ZNF610: variants seen among roughly 807,000 people sequenced by gnomAD.
ZNF610 encodes the protein zink finger protein.
ZNF610 carries 14 observed loss-of-function variants against 14.1 expected under a neutral mutation model. That is an observed-to-expected ratio of 0.99 (90% CI 0.65 to 1.55). The LOEUF (loss-of-function observed/expected upper bound fraction) is 1.55. Ranked by LOEUF, ZNF610 falls within the 40% of genes most tolerant of loss-of-function variation. The pLI is 0.00. For synonymous variants in ZNF610, 185 were observed against 187.6 expected, an observed-to-expected ratio of 0.99 and a Z score of 0.11; for missense variants, 530 against 558.0, an observed-to-expected ratio of 0.95 and a Z score of 0.51.
chr19:52,338,220 G>A (rs1984474770), intron 1 of ZNF610, among the ~76,000 whole-genome samples: 1 of 152,218 alleles, frequency 6.6e-6, no homozygotes, highest in Non-Finnish European at 1.5e-5. Flanking sequence ...AACCAACTAT[G>A]AACCGGGGGT....
At chr19:52,331,429 A>C (rs962869764), upstream of ZNF610, among the ~76,000 whole-genome samples, 2 of 152,214 alleles carry the variant, frequency 1.3e-5, no homozygotes, top group Non-Finnish European at 2.9e-5. Context: ...GGGGAGCCTA[A>C]AGACACATAA....
At chr19:52,355,298 T>C (rs961932815) in intron 5 of ZNF610, among the ~76,000 whole-genome samples, 5 of 152,282 alleles carry the variant, frequency 3.3e-5, no homozygotes, top group Middle Eastern at 3.4e-3. Context: ...TTTCCTGTAA[T>C]GGGAAGATGT....
Position 52,366,476 on chromosome 19 carries a change from T to C in ZNF610, c.1098T>C (p.His366=), listed in dbSNP as rs748282602. 28 of 1,614,156 alleles carry C rather than the reference T, an allele frequency of 1.7e-5. No homozygotes were observed. The highest frequency in any genetic ancestry group is 1.6e-4 in the Middle Eastern group (1 of 6,062). ...LSYLARHQII[H]STEKPYKCNE... is the part of the protein sequence containing the mutation. ...ACCTTGCACGGCATCAAATAATTCA[T>C]AGTACAGAGAAGCCCTACAAATGTA... Residue 366 remains histidine, a synonymous_variant, in exon 6 of 6, where the codon CAT becomes CAC. Transcript: ENST00000403906.
At chr19:52,346,471 T>C (rs934354519) in intron 1 of ZNF610, among the ~76,000 whole-genome samples, 11 of 152,104 alleles carry the variant, frequency 7.2e-5, no homozygotes, top group African/African-American at 2.7e-4. Flanking sequence ...CTAACGTTTG[T>C]ATTTTTACTA....
intron 1 of ZNF610, among the ~76,000 whole-genome samples, chr19:52,337,258 G>C (rs920758308): frequency 1.4e-5 from 2 of 147,196 alleles, no homozygotes; most frequent in African/African-American, 5.4e-5. Context: ...GGGGGCAGCT[G>C]ATGACAAGGA....
chr19:52,336,474 G>T lies in ZNF610; in HGVS notation c.-290G>T, dbSNP rs1444376014. ...TGTGTGTTAAAATCGCTCGGCGACG[G>T]GTCCTGTCCCCGCTCGTTCTGCCTT... On this transcript the variant is annotated 5_prime_UTR_variant, in exon 1 of 6. Coordinates refer to ENST00000403906, the MANE Select transcript of ZNF610 (RefSeq NM_001161425.2). 4 of 165,930 alleles carry T rather than the reference G, an allele frequency of 2.4e-5. No individual in the cohort carries two copies. In the East Asian group the frequency reaches 5.7e-4, roughly 24 times the overall value. The allele number at this position is 165,930 out of a possible 1,614,324, so 10.3% of individuals were successfully genotyped here. A position where few individuals can be genotyped will look rare whatever the true frequency, so the allele number is the denominator to read the frequency against.
chr19:52,343,526 T>A (rs1252747926), intron 1 of ZNF610, among the ~76,000 whole-genome samples: 1 of 151,696 alleles, frequency 6.6e-6, no homozygotes. Context: ...GATATCATGC[T>A]ATTGCACTTC....
chr19:52,336,117 G>A (rs1984358601), upstream of ZNF610: 4 of 159,040 alleles, frequency 2.5e-5, no homozygotes, highest in South Asian at 6.4e-4. Flanking sequence ...GTTTGCAGAG[G>A]GCTGAGCTGC....
upstream of ZNF610, among the ~76,000 whole-genome samples, chr19:52,331,767 C>T (rs925050989): frequency 2.0e-5 from 3 of 152,178 alleles, no homozygotes; most frequent in African/African-American, 7.2e-5. Context: ...CTGCCTTTCT[C>T]GCTCTCTCTT....
At chr19:52,345,225 A>G (rs1984880817) in intron 1 of ZNF610, 1 of 152,144 alleles carries the variant, frequency 6.6e-6, no homozygotes, top group South Asian at 2.1e-4. Context: ...CCCTTATGTA[A>G]AGTTGCATAG....
Position 52,366,563 on chromosome 19 carries a change from T to G in ZNF610, c.1185T>G (p.Thr395=). 6.2e-7 allele frequency: 1 copy of G among 1,614,084 alleles called. No individual in the cohort carries two copies. The highest frequency in any genetic ancestry group is 2.2e-5 in the East Asian group (1 of 44,896). ...PGLMAHLLIH[T]GEKPYKCNEC... Reference sequence around the variant, plus strand: ...TTATGGCCCATCTTCTAATCCATACTGGAGAGAAACCTTACAAATGTAATG... The same window carrying G: ...TTATGGCCCATCTTCTAATCCATACGGGAGAGAAACCTTACAAATGTAATG... The change falls in exon 6 of 6, where the codon ACT becomes ACG. Residue 395 remains threonine (T), a synonymous_variant. Coordinates refer to ENST00000403906, the MANE Select transcript of ZNF610 (RefSeq NM_001161425.2).
chr19:52,335,536 T>C (rs1352702006), upstream of ZNF610, among the ~76,000 whole-genome samples: 2 of 152,124 alleles, frequency 1.3e-5, no homozygotes, highest in African/African-American at 4.8e-5. Context: ...GATGACTCAG[T>C]GGACTGGGAA....
chr19:52,333,321 T>C (rs16983718), upstream of ZNF610, among the ~76,000 whole-genome samples: 21,019 of 152,180 alleles, frequency 0.14, 2,123 homozygotes, highest in African/African-American at 0.29. Context: ...AAGCTCCCGG[T>C]AACCAAGCCG....
chr19:52,340,311 A>G (rs923080255), intron 1 of ZNF610, among the ~76,000 whole-genome samples: 4 of 152,110 alleles, frequency 2.6e-5, no homozygotes, highest in African/African-American at 9.7e-5. Flanking sequence ...TGAACCCTGG[A>G]GGCAGAGGTT....
intron 1 of ZNF610, among the ~76,000 whole-genome samples, chr19:52,337,399 A>T (rs1465756148): frequency 6.6e-6 from 1 of 152,134 alleles, no homozygotes; most frequent in Non-Finnish European, 1.5e-5. Flanking sequence ...AGGGAGGGCA[A>T]GAAACAGGCA....
intron 1 of ZNF610, among the ~76,000 whole-genome samples, chr19:52,341,025 A>G (rs992870420): frequency 6.6e-6 from 1 of 152,172 alleles, no homozygotes; most frequent in East Asian, 1.9e-4. Flanking sequence ...GGTGTTGTCC[A>G]CTGAAACACA....
At chr19:52,359,721 T>TC (rs2122269721) in intron 5 of ZNF610, among the ~76,000 whole-genome samples, 1 of 152,306 alleles carries the variant, frequency 6.6e-6, no homozygotes, top group East Asian at 1.9e-4. Flanking sequence ...GAGCTGGGTT[T>TC]CCTACAGTTC....
Position 52,354,381 on chromosome 19 carries a change from T to C in ZNF610, c.319+2T>C. The C allele has an allele frequency of 6.2e-7, 1 of 1,613,894 alleles. No individual in the cohort carries two copies. The highest frequency in any genetic ancestry group is 2.2e-5 in the East Asian group (1 of 44,868). On this transcript the variant is annotated splice_donor_variant, in intron 5 of 5. Coordinates refer to ENST00000403906, the MANE Select transcript of ZNF610 (RefSeq NM_001161425.2). LOFTEE classifies it high-confidence loss of function. ...AATGTGTCAGAAGCGTGAACACAGG[T>C]AAGAGCTCTGATGGGCAGTGTGGAG...
Position 52,366,130 on chromosome 19 carries a change from G to A in ZNF610, c.752G>A (p.Trp251Ter). Residue 251 changes from tryptophan to a stop codon, truncating the protein, a stop_gained, in exon 6 of 6, where the codon TGG (tryptophan) becomes TAG (stop). Coordinates refer to ENST00000403906, the MANE Select transcript of ZNF610 (RefSeq NM_001161425.2). LOFTEE classifies it low-confidence loss of function (END_TRUNC). Reference protein sequence around the residue: ...FSRNSHLVEHWRIHTGQKPYK... With the variant: ...FSRNSHLVEH Reference sequence around the variant, plus strand: ...CGCAATTCACACCTTGTAGAACATTGGAGAATTCATACTGGACAGAAGCCT... The same window carrying A: ...CGCAATTCACACCTTGTAGAACATTAGAGAATTCATACTGGACAGAAGCCT... 2 of 1,613,628 alleles carry A rather than the reference G, an allele frequency of 1.2e-6. No homozygotes were observed. The highest frequency in any genetic ancestry group is 1.7e-6 in the Non-Finnish European group (2 of 1,179,876).
Sources: allele counts gnomAD v4.1 joint callset (sites outside exome capture counted in the v4.1 genomes callset), GRCh38; gene constraint gnomAD v4.1.1; transcripts MANE v1.5; gene names NCBI Gene and HGNC (gene_info 2026-07-23, HGNC 2026-07-21).